NPHP3: variants seen among roughly 807,000 people sequenced by gnomAD.
The protein encoded by NPHP3 is nephrocystin 3.
A neutral mutation model predicts 171.9 loss-of-function variants in NPHP3; 123 were observed. The observed-to-expected ratio is 0.72, with a 90% confidence interval of 0.62 to 0.83. The LOEUF (loss-of-function observed/expected upper bound fraction) is 0.83. NPHP3 is among the 40% of genes least tolerant of loss of function. The pLI, the probability that NPHP3 is intolerant of heterozygous loss-of-function variation, is 0.00. For synonymous variants in NPHP3, 558 were observed against 579.2 expected, an observed-to-expected ratio of 0.96 and a Z score of 0.52; for missense variants, 1,506 against 1,591.9, an observed-to-expected ratio of 0.95 and a Z score of 0.92.
intron 7 of NPHP3, among the ~76,000 whole-genome samples, chr3:132,707,270 G>A (rs939670962): frequency 4.6e-5 from 7 of 151,768 alleles, no homozygotes; most frequent in African/African-American, 7.3e-5. Context: ...CTCCTGCAGC[G>A]TGGACAACAT....
intron 7 of NPHP3, among the ~76,000 whole-genome samples, chr3:132,706,156 A>G (rs4087023): frequency 0.04 from 6,104 of 152,042 alleles, 142 homozygotes; most frequent in East Asian, 0.095. Context: ...TCAGGAGATC[A>G]AGACCATCCT....
intron 6 of NPHP3, 103 bp from the exon 7 acceptor site, chr3:132,708,360 G>C: frequency 8.5e-7 from 1 of 1,172,442 alleles, no homozygotes; most frequent in East Asian, 2.3e-5. Context: ...ACAGTGACAA[G>C]TGGCCAGAAA....
intron 21 of NPHP3, 100 bp downstream of exon 21, chr3:132,688,549 AG>A: frequency 1.6e-6 from 2 of 1,281,594 alleles, no homozygotes; most frequent in East Asian, 4.6e-5. Context: ...GCACAGGGTA[AG>A]GAAAAGTACA....
chr3:132,692,246 C>T (rs1283604105), intron 17 of NPHP3, among the ~76,000 whole-genome samples: 3 of 152,176 alleles, frequency 2.0e-5, no homozygotes, highest in African/African-American at 4.8e-5. Flanking sequence ...AATGCTCACA[C>T]AATGATACAA....
At position 132,688,580 on chromosome 3, in the gene NPHP3, A is replaced by G. The variant is rs1939219316; in HGVS notation, c.3125+70T>C. On this transcript the variant is annotated intron_variant, in intron 21 of 26. Transcript: ENST00000337331. Reference sequence around the variant, plus strand: ...AGTACACAGTGATAAAACAAAGCTTACCCTATAAGTACACTAAAACTGTAA... The same window carrying G: ...AGTACACAGTGATAAAACAAAGCTTGCCCTATAAGTACACTAAAACTGTAA... 5 of 1,528,622 alleles carry G rather than the reference A, an allele frequency of 3.3e-6. No individual in the cohort carries two copies. The South Asian group carries it at 5.6e-5, about 17-fold the overall frequency. 94.7% of individuals were successfully genotyped at this position (1,528,622 alleles called of 1,614,324 possible). A position where few individuals can be genotyped will look rare whatever the true frequency, so the allele number is the denominator to read the frequency against.
rs753092363 is a variant in NPHP3, at chr3:132,696,831, G to A, written c.2089-18C>T. ...TTCTTCTCCTGCACCAGTTTACCAAGAAAAACAAAACAGAAATACAAAAAC... is the reference window on the plus strand; with the variant it reads ...TTCTTCTCCTGCACCAGTTTACCAAAAAAAACAAAACAGAAATACAAAAAC... On this transcript the variant is annotated intron_variant, in intron 14 of 26. Coordinates refer to ENST00000337331, the MANE Select transcript of NPHP3 (RefSeq NM_153240.5). 5 of 1,608,568 alleles carry A rather than the reference G, an allele frequency of 3.1e-6. No individual in the cohort carries two copies. In the South Asian group the frequency reaches 4.4e-5, roughly 14 times the overall value.
At chr3:132,717,369 T>C (rs1020673066) in intron 3 of NPHP3, 1 of 162,854 alleles carries the variant, frequency 6.1e-6, no homozygotes, top group African/African-American at 2.4e-5. Context: ...CTTCTCAACC[T>C]CCTAGAGCAA....
At chr3:132,689,304 T>G (rs1391412569) in intron 19 of NPHP3, 41 bp from the exon 20 acceptor site, 2 of 1,586,494 alleles carry the variant, frequency 1.3e-6, no homozygotes, top group South Asian at 2.2e-5. Context: ...AAAACACACT[T>G]TAAAATCCAT....
intron 9 of NPHP3, among the ~76,000 whole-genome samples, chr3:132,702,447 C>G (rs1346787359): frequency 6.6e-6 from 1 of 152,180 alleles, no homozygotes; most frequent in Non-Finnish European, 1.5e-5. Context: ...CCCAAGTTTT[C>G]CCCAGAAACT....
intron 1 of NPHP3, among the ~76,000 whole-genome samples, chr3:132,720,780 T>TCC (rs1389271321): frequency 6.6e-6 from 1 of 152,002 alleles, no homozygotes; most frequent in Non-Finnish European, 1.5e-5. Context: ...CTGTAACGAC[T>TCC]CCGGGAACTC....
intron 15 of NPHP3, among the ~76,000 whole-genome samples, chr3:132,696,405 T>G (rs1485595153): frequency 6.6e-6 from 1 of 152,170 alleles, no homozygotes; most frequent in Admixed American, 6.5e-5. Context: ...CAAAGATACC[T>G]GAAATAATAT....
rs1384292912 is a variant in NPHP3 at position 132,715,152 on chromosome 3, C to T, written c.890G>A (p.Ser297Asn). The T allele has an allele frequency of 1.2e-6, 2 of 1,610,346 alleles. No homozygotes were observed. The highest frequency in any genetic ancestry group is 1.7e-5 in the Admixed American group (1 of 60,020). Reference protein sequence around the residue: ...VTPLFSHSLWSNTVRCYLIYT... With the variant: ...VTPLFSHSLWNNTVRCYLIYT... Reference sequence around the variant, plus strand: ...AATGAGGTAACATCTGACAGTGTTACTCCACAGAGAATGTGAAAACAGAGG... The same window carrying T: ...AATGAGGTAACATCTGACAGTGTTATTCCACAGAGAATGTGAAAACAGAGG... The change falls in exon 5 of 27, where the codon AGT becomes AAT. Residue 297 changes from serine (S) to asparagine (N), a missense_variant. Physicochemically the swap from Ser to Asn is conservative, Grantham distance 46. Around this residue, in one of 3 missense-constraint regions of NPHP3, gnomAD observed 930 missense variants for 924.9 expected, o/e 1.01. Coordinates refer to ENST00000337331, the MANE Select transcript of NPHP3 (RefSeq NM_153240.5).
intron 7 of NPHP3, among the ~76,000 whole-genome samples, chr3:132,707,406 G>A (rs1939783748): frequency 2.0e-5 from 3 of 152,084 alleles, no homozygotes; most frequent in Admixed American, 6.5e-5. Flanking sequence ...AGGAGTTTGA[G>A]GCTTCAGTGA....
chr3:132,709,962 C>T (rs767352086), intron 6 of NPHP3, among the ~76,000 whole-genome samples: 2 of 152,120 alleles, frequency 1.3e-5, no homozygotes, highest in African/African-American at 2.4e-5. Context: ...TTCAGGCACA[C>T]GTCCATATTT....
At chr3:132,705,529 C>T (rs1393392366) in intron 8 of NPHP3, 2 of 414,316 alleles carry the variant, frequency 4.8e-6, no homozygotes, top group East Asian at 8.1e-5. Flanking sequence ...TCAAATAGTC[C>T]TCTGAGATAG....
Position 132,699,470 on chromosome 3 carries a change from A to C in NPHP3, c.1888-20T>G, listed in dbSNP as rs759057871. 2.0e-6 allele frequency: 3 copies of C among 1,486,960 alleles called. No individual in the cohort carries two copies. The highest frequency in any genetic ancestry group is 2.3e-5 in the East Asian group (1 of 44,022). The allele number at this position is 1,486,960 out of a possible 1,614,324, so 92.1% of individuals were successfully genotyped here. A position where few individuals can be genotyped will look rare whatever the true frequency, so the allele number is the denominator to read the frequency against. On this transcript the variant is annotated intron_variant, in intron 12 of 26. Coordinates refer to ENST00000337331, the MANE Select transcript of NPHP3 (RefSeq NM_153240.5). ...AACTTGCTTAAAAATATAAAAACAAAATTCAATCTATTAATCAAAATATTT... is the reference window on the plus strand; with the variant it reads ...AACTTGCTTAAAAATATAAAAACAACATTCAATCTATTAATCAAAATATTT...
intron 1 of NPHP3, chr3:132,721,397 C>G: frequency 5.5e-6 from 1 of 181,270 alleles, no homozygotes; most frequent in Non-Finnish European, 1.2e-5. Context: ...CATTAAAATG[C>G]AAGAGCGATG....
intron 23 of NPHP3, 124 bp downstream of exon 23, chr3:132,686,136 A>T: frequency 1.1e-6 from 1 of 937,378 alleles, no homozygotes; most frequent in South Asian, 1.3e-5. Context: ...ATAACATCAT[A>T]CATGAAATTT....
chr3:132,683,846 T>G (rs1939092514), intron 24 of NPHP3, among the ~76,000 whole-genome samples: 1 of 152,210 alleles, frequency 6.6e-6, no homozygotes, highest in Admixed American at 6.5e-5. Context: ...AAAAGCTCAT[T>G]TCTTGCCAAA....
Sources: allele counts gnomAD v4.1 joint callset (sites outside exome capture counted in the v4.1 genomes callset), GRCh38; gene constraint gnomAD v4.1.1; regional missense constraint gnomAD v4.1.1; transcripts MANE v1.5; gene names NCBI Gene and HGNC (gene_info 2026-07-23, HGNC 2026-07-21).